The following WDR41 variants were observed in gnomAD, a reference collection of about 807,000 sequenced individuals.
WDR41 encodes WD repeat domain 41, also known as WD repeat-containing protein 41.
Under a neutral mutation model 69.3 loss-of-function variants are expected in WDR41, and 63 were observed. The observed-to-expected ratio is 0.91, with a 90% CI of 0.74 to 1.12. WDR41 has a LOEUF of 1.12. Among genes scored for constraint, WDR41 ranks in the 50% most tolerant of loss-of-function variants. The pLI is 0.00. For missense variants in WDR41, 543 were observed against 534.5 expected, an observed-to-expected ratio of 1.02 and a Z score of -0.16; for synonymous variants, 185 against 192.1, an observed-to-expected ratio of 0.96 and a Z score of 0.31.
At chr5:77,528,499 G>T (rs1264628649) in intron 1 of WDR41, among the ~76,000 whole-genome samples, 2 of 151,574 alleles carry the variant, frequency 1.3e-5, no homozygotes, top group African/African-American at 4.8e-5. Context: ...CCAGAAAATA[G>T]GAAAATGAAG....
In WDR41 at chr5:77,575,547, A is replaced by G. The variant is rs144180813; in HGVS notation, c.42+44932T>C. Among the ~76,000 whole-genome samples, 496 of 152,314 alleles carry G rather than the reference A, an allele frequency of 3.3e-3. 3 individuals carry two copies. The highest frequency in any genetic ancestry group is 0.011 in the African/African-American group (478 of 41,576). ...TAAGGGAACACACCTTAGGGCAGACATCCCAGTTGAAATAATGCTATAGCA... is the reference window on the plus strand; with the variant it reads ...TAAGGGAACACACCTTAGGGCAGACGTCCCAGTTGAAATAATGCTATAGCA... On this transcript the variant is annotated intron_variant, in intron 1 of 5. Coordinates refer to the WDR41 transcript ENST00000509971.
intron 2 of WDR41, among the ~76,000 whole-genome samples, chr5:77,480,966 C>T (rs570231211): frequency 6.6e-6 from 1 of 152,164 alleles, no homozygotes; most frequent in East Asian, 1.9e-4. Flanking sequence ...TCTCTCTGCC[C>T]CACTTGCTTG....
At chr5:77,615,080 G>A (rs1744651599) in intron 1 of WDR41, among the ~76,000 whole-genome samples, 1 of 152,136 alleles carries the variant, frequency 6.6e-6, no homozygotes, top group Non-Finnish European at 1.5e-5. Context: ...ATGGGTTGGA[G>A]GAAATTTTGA....
intron 1 of WDR41, among the ~76,000 whole-genome samples, chr5:77,537,541 G>C (rs1743010970): frequency 6.6e-6 from 1 of 152,202 alleles, no homozygotes; most frequent in African/African-American, 2.4e-5. Context: ...GTGCTTCCTA[G>C]TTGTTCAGTA....
At chr5:77,580,957 A>AAAAT (rs939295008) in intron 1 of WDR41, among the ~76,000 whole-genome samples, 12 of 151,964 alleles carry the variant, frequency 7.9e-5, no homozygotes, top group Admixed American at 3.9e-4. Flanking sequence ...CTCCGTCTCA[A>AAAAT]AAATAAATAA....
intron 2 of WDR41, among the ~76,000 whole-genome samples, chr5:77,469,103 A>G (rs1581731236): frequency 2.6e-5 from 4 of 152,198 alleles, no homozygotes; most frequent in African/African-American, 9.6e-5. Context: ...GACATGGATG[A>G]AACTGGAAAC....
At chr5:77,512,606 CA>C (rs568296911) in intron 1 of WDR41, among the ~76,000 whole-genome samples, 49 of 151,646 alleles carry the variant, frequency 3.2e-4, no homozygotes, top group African/African-American at 1.2e-3. Flanking sequence ...AAAAATTAGC[CA>C]GGGGTGGTGG....
intron 1 of WDR41, among the ~76,000 whole-genome samples, chr5:77,564,421 A>G (rs908730347): frequency 2.0e-5 from 3 of 152,168 alleles, no homozygotes; most frequent in African/African-American, 7.2e-5. Context: ...TTTTTTCACA[A>G]TAAATTCATA....
At chr5:77,543,762 C>T (rs1299963611) in intron 1 of WDR41, among the ~76,000 whole-genome samples, 2 of 152,030 alleles carry the variant, frequency 1.3e-5, no homozygotes, top group African/African-American at 4.8e-5. Flanking sequence ...ACTTTCCTTG[C>T]CTTGCTAGAT....
intron 1 of WDR41, among the ~76,000 whole-genome samples, chr5:77,568,927 T>C (rs548379918): frequency 9.9e-5 from 15 of 152,242 alleles, no homozygotes; most frequent in Admixed American, 4.6e-4. Flanking sequence ...AATTGTTTTG[T>C]ATTCATTTCA....
chr5:77,607,251 T>C (rs1744442053), intron 1 of WDR41, among the ~76,000 whole-genome samples: 1 of 152,204 alleles, frequency 6.6e-6, no homozygotes, highest in African/African-American at 2.4e-5. Context: ...TGATCAATTG[T>C]AGCATCACTA....
At chr5:77,463,859 AAAT>A (rs1800174246) in intron 3 of WDR41, among the ~76,000 whole-genome samples, 1 of 152,220 alleles carries the variant, frequency 6.6e-6, no homozygotes, top group South Asian at 2.1e-4. Context: ...AATGTGGTGA[AAAT>A]AATGTTAAAG....
chr5:77,509,444 C>A (rs2359879), intron 1 of WDR41, among the ~76,000 whole-genome samples: 22,119 of 152,184 alleles, frequency 0.15, 1,935 homozygotes, highest in Middle Eastern at 0.29. Flanking sequence ...CACTATTCAT[C>A]ATACTCAAAA....
chr5:77,470,243 C>T (rs1401042301), intron 2 of WDR41, among the ~76,000 whole-genome samples: 3 of 152,040 alleles, frequency 2.0e-5, no homozygotes, highest in African/African-American at 7.3e-5. Flanking sequence ...GATTTTGTCA[C>T]CACCAGGCCT....
At chr5:77,603,055 A>C (rs2112327174) in intron 1 of WDR41, among the ~76,000 whole-genome samples, 1 of 150,686 alleles carries the variant, frequency 6.6e-6, no homozygotes, top group East Asian at 2.0e-4. Flanking sequence ...TTCCTGCCTC[A>C]GCCTCCCGAG....
intron 1 of WDR41, among the ~76,000 whole-genome samples, chr5:77,583,628 A>G: frequency 6.6e-6 from 1 of 152,242 alleles, no homozygotes. Flanking sequence ...TAAAAATTTT[A>G]AAAAACTACC....
intron 1 of WDR41, among the ~76,000 whole-genome samples, chr5:77,526,163 G>A (rs1802443210): frequency 6.6e-6 from 1 of 152,050 alleles, no homozygotes; most frequent in Non-Finnish European, 1.5e-5. Context: ...AAATTCAATA[G>A]CTTTTAACAT....
At chr5:77,464,954 A>G in intron 2 of WDR41, 145 bp from the exon 3 acceptor site, 1 of 788,780 alleles carries the variant, frequency 1.3e-6, no homozygotes, top group Non-Finnish European at 2.0e-6. Context: ...AATATTTATG[A>G]AACACATTCC....
At chr5:77,444,448 G>A (rs921993783) in intron 8 of WDR41, among the ~76,000 whole-genome samples, 1 of 152,244 alleles carries the variant, frequency 6.6e-6, no homozygotes, top group East Asian at 1.9e-4. Flanking sequence ...CTTCTGCCTG[G>A]AGAGATTATC....
Sources: gnomAD v4.1 joint callset for allele counts (sites outside exome capture counted in the v4.1 genomes callset) on GRCh38, gnomAD v4.1.1 for gene constraint, MANE v1.5 for transcripts, NCBI Gene and HGNC (gene_info 2026-07-23, HGNC 2026-07-21) for gene names.